The following PPM1E variants were observed in gnomAD, a reference collection of about 807,000 sequenced individuals.
PPM1E encodes the protein protein phosphatase 1E.
PPM1E carries 20 observed loss-of-function variants against 65.9 expected under a neutral mutation model. The ratio of observed to expected loss-of-function variants is 0.30; its 90% CI spans 0.21 to 0.44. PPM1E has a LOEUF of 0.44. Ranked by LOEUF, PPM1E falls within the 20% of genes least tolerant of loss-of-function variation. PPM1E has a pLI of 1.00. For synonymous variants in PPM1E, 352 were observed against 374.9 expected (o/e 0.94, Z 0.70); for missense variants, 713 against 953.1 (o/e 0.75, Z 3.32).
At chr17:58,895,601 GT>G (rs1401665716) in intron 1 of PPM1E, among the ~76,000 whole-genome samples, 1 of 151,936 alleles carries the variant, frequency 6.6e-6, no homozygotes, top group African/African-American at 2.4e-5. Flanking sequence ...GAGCCCAGGA[GT>G]TTGTGACCAG....
At chr17:58,893,248 A>G (rs970643151) in intron 1 of PPM1E, among the ~76,000 whole-genome samples, 14 of 152,202 alleles carry the variant, frequency 9.2e-5, no homozygotes, top group African/African-American at 3.4e-4. Context: ...ACGGTGGTGC[A>G]TCCAGACAAT....
At chr17:58,903,649 G>T (rs191013188) in intron 1 of PPM1E, among the ~76,000 whole-genome samples, 2 of 152,074 alleles carry the variant, frequency 1.3e-5, no homozygotes, top group Admixed American at 6.6e-5. Context: ...AGACATAAAC[G>T]TACCACTTTT....
At chr17:58,921,017 A>G (rs1453678800) in intron 1 of PPM1E, among the ~76,000 whole-genome samples, 1 of 152,214 alleles carries the variant, frequency 6.6e-6, no homozygotes, top group Non-Finnish European at 1.5e-5. Flanking sequence ...AAAAATGATC[A>G]TTTCTGTCAT....
chr17:58,875,526 A>G (rs1336280149), intron 1 of PPM1E, among the ~76,000 whole-genome samples: 3 of 152,192 alleles, frequency 2.0e-5, no homozygotes, highest in African/African-American at 4.8e-5. Context: ...AGTATTGCCA[A>G]TTTGACACCA....
chr17:58,808,908 A>T (rs1040620651), intron 1 of PPM1E, among the ~76,000 whole-genome samples: 1 of 152,186 alleles, frequency 6.6e-6, no homozygotes, highest in African/African-American at 2.4e-5. Flanking sequence ...AAATACACAA[A>T]GTTGACAAAA....
intron 1 of PPM1E, among the ~76,000 whole-genome samples, chr17:58,843,808 G>A (rs559604180): frequency 6.6e-6 from 1 of 152,132 alleles, no homozygotes; most frequent in Non-Finnish European, 1.5e-5. Context: ...TCCAGCCTGG[G>A]CACAGAGCTA....
intron 1 of PPM1E, among the ~76,000 whole-genome samples, chr17:58,915,370 G>T (rs1449952867): frequency 2.0e-5 from 3 of 152,176 alleles, no homozygotes; most frequent in African/African-American, 7.2e-5. Context: ...ATGACCAGAG[G>T]TCGCTCTGGT....
chr17:58,864,428 G>T (rs529246970), intron 1 of PPM1E, among the ~76,000 whole-genome samples: 7 of 151,494 alleles, frequency 4.6e-5, no homozygotes, highest in African/African-American at 1.7e-4. Context: ...ATCACCTGAG[G>T]TCAGGAGTTC....
chr17:58,779,988 T>C (rs2050035826), intron 1 of PPM1E, among the ~76,000 whole-genome samples: 1 of 152,222 alleles, frequency 6.6e-6, no homozygotes, highest in Non-Finnish European at 1.5e-5. Flanking sequence ...ACTTTCCCAT[T>C]ATTAATGAAG....
At chr17:58,958,235 G>T (rs1166850295) in intron 2 of PPM1E, among the ~76,000 whole-genome samples, 1 of 151,096 alleles carries the variant, frequency 6.6e-6, no homozygotes, top group Non-Finnish European at 1.5e-5. Context: ...GAGAGAGAAA[G>T]GGTCTCCCTC....
At chr17:58,927,122 CTT>C (rs533990179) in intron 1 of PPM1E, among the ~76,000 whole-genome samples, 11 of 124,608 alleles carry the variant, frequency 8.8e-5, no homozygotes, top group East Asian at 2.3e-4. Flanking sequence ...GACTTTTAAA[CTT>C]TTTTTTTTTT....
intron 1 of PPM1E, among the ~76,000 whole-genome samples, chr17:58,801,826 G>A (rs912697093): frequency 4.6e-5 from 7 of 151,566 alleles, no homozygotes; most frequent in Non-Finnish European, 7.4e-5. Context: ...GCATGATCTC[G>A]GCTCACTGCA....
At chr17:58,880,673 G>A (rs944724843) in intron 1 of PPM1E, among the ~76,000 whole-genome samples, 1 of 152,116 alleles carries the variant, frequency 6.6e-6, no homozygotes, top group African/African-American at 2.4e-5. Flanking sequence ...GCCCAGGCTG[G>A]AGTGCAGTGA....
intron 1 of PPM1E, among the ~76,000 whole-genome samples, chr17:58,837,260 TAA>T (rs57058929): frequency 0.014 from 908 of 66,284 alleles, 17 homozygotes; most frequent in African/African-American, 0.05. Flanking sequence ...TTAAAAAAAT[TAA>T]AAAAAAAAAA....
intron 1 of PPM1E, among the ~76,000 whole-genome samples, chr17:58,907,182 G>C (rs1169285262): frequency 6.6e-6 from 1 of 151,992 alleles, no homozygotes; most frequent in Non-Finnish European, 1.5e-5. Context: ...GGAGGCGAAG[G>C]CTGCAGTGAG....
chr17:58,800,329 G>C (rs945785880), intron 1 of PPM1E, among the ~76,000 whole-genome samples: 1 of 151,958 alleles, frequency 6.6e-6, no homozygotes, highest in South Asian at 2.1e-4. Flanking sequence ...GTACTATTTT[G>C]TTGTAAATAT....
chr17:58,849,017 C>G (rs887867732), intron 1 of PPM1E, among the ~76,000 whole-genome samples: 3 of 152,032 alleles, frequency 2.0e-5, no homozygotes, highest in Non-Finnish European at 2.9e-5. Flanking sequence ...TGTATGTGTC[C>G]AGGAATTTAT....
At chr17:58,872,166 A>G (rs1004477876) in intron 1 of PPM1E, among the ~76,000 whole-genome samples, 1 of 152,094 alleles carries the variant, frequency 6.6e-6, no homozygotes, top group Admixed American at 6.6e-5. Flanking sequence ...GCATGGTGGC[A>G]CGCACCTGTA....
At position 58,909,924 on chromosome 17, in the gene PPM1E, C is replaced by CTTTTTTTTTTTTT. The variant is rs35833275; in HGVS notation, c.465-45717_465-45705dup. 4.5e-3 allele frequency among the ~76,000 whole-genome samples: 409 copies of CTTTTTTTTTTTTT among 89,996 alleles called. 1 individual carries two copies. Among genetic ancestry groups the CTTTTTTTTTTTTT allele is most frequent in the East Asian group, 5.5e-3 (16 of 2,934 alleles). The allele number at this position is 89,996 out of a possible 152,430, so 59.0% of individuals were successfully genotyped here. On this transcript the variant is annotated intron_variant, in intron 1 of 6. Coordinates refer to ENST00000308249, the MANE Select transcript of PPM1E (RefSeq NM_014906.5). ...CTTTCTTTCTTTCTTTTTTCTTTTTCTTTTTTTTTTTTTTTTTTTTGAGAC... is the reference window on the plus strand; with the variant it reads ...CTTTCTTTCTTTCTTTTTTCTTTTTCTTTTTTTTTTTTTTTTTTTTTTTTTTTTTTTTTGAGAC...
Sources: allele counts gnomAD v4.1 joint callset (sites outside exome capture counted in the v4.1 genomes callset), GRCh38; gene constraint gnomAD v4.1.1; transcripts MANE v1.5; gene names NCBI Gene and HGNC (gene_info 2026-07-23, HGNC 2026-07-21).